PCDHA4: variants seen among roughly 807,000 people sequenced by gnomAD.
PCDHA4 encodes the protein protocadherin alpha-4.
Under a neutral mutation model 61.4 loss-of-function variants are expected in PCDHA4, and 49 were observed. The ratio of observed to expected loss-of-function variants is 0.80; its 90% CI spans 0.63 to 1.01. The LOEUF (loss-of-function observed/expected upper bound fraction) is 1.01, where lower values mean the gene tolerates loss of function less well. Among genes scored for constraint, PCDHA4 ranks in the 50% least tolerant of loss-of-function variants. The pLI is 0.00. For missense variants in PCDHA4, 1,254 were observed against 1,235.8 expected (o/e 1.01, Z -0.22); for synonymous variants, 590 against 550.3 (o/e 1.07, Z -1.01).
chr5:140,815,981 G>A (rs150888625), intron 1 of PCDHA4: 1 of 152,124 alleles, frequency 6.6e-6, no homozygotes, highest in Non-Finnish European at 1.5e-5. Flanking sequence ...ACGTGATGAG[G>A]CATTTTTCTT....
chr5:140,829,798 G>A, intron 1 of PCDHA4: 1 of 1,613,874 alleles, frequency 6.2e-7, no homozygotes, highest in Non-Finnish European at 8.5e-7. Flanking sequence ...TGGCGCCTCG[G>A]GTGGGTGGTA....
chr5:140,870,780 C>T (rs782242319), intron 1 of PCDHA4: 3 of 1,613,508 alleles, frequency 1.9e-6, no homozygotes, highest in Non-Finnish European at 2.5e-6. Context: ...ACGAGAACGA[C>T]AACGCGCCGG....
chr5:140,891,225 T>C (rs1554184733), intron 1 of PCDHA4, among the ~76,000 whole-genome samples: 1 of 152,222 alleles, frequency 6.6e-6, no homozygotes, highest in Non-Finnish European at 1.5e-5. Context: ...TTTATAATCA[T>C]CCTGTTCTGG....
At chr5:140,836,457 G>C (rs2150261358) in intron 1 of PCDHA4, 2 of 1,613,694 alleles carry the variant, frequency 1.2e-6, no homozygotes, top group Non-Finnish European at 1.7e-6. Context: ...CCCAGAGACC[G>C]AGCTGGTGGA....
In PCDHA4 at chr5:140,809,088, C is replaced by T. The variant is rs1202399974; in HGVS notation, c.1901C>T (p.Thr634Met). ...VGLYTGEISTTRALDETDAPR... is the reference protein window; with the variant it reads ...VGLYTGEISTMRALDETDAPR... ...CTGTACACTGGCGAGATCAGCACAA[C>T]GCGTGCCCTGGACGAAACGGACGCT... Residue 634 changes from threonine (T) to methionine (M), a missense_variant, in exon 1 of 4, where the codon ACG (threonine) becomes ATG (methionine). Thr to Met is a moderately conservative substitution (Grantham distance 81, BLOSUM62 -1). Coordinates refer to ENST00000530339, the MANE Select transcript of PCDHA4 (RefSeq NM_018907.4). The T allele has an allele frequency of 4.3e-6, 7 of 1,613,836 alleles. No homozygotes were observed. In the Admixed American group the frequency reaches 5.0e-5, roughly 12 times the overall value.
intron 3 of PCDHA4, among the ~76,000 whole-genome samples, chr5:141,000,931 T>G (rs1422337935): frequency 1.3e-5 from 2 of 152,188 alleles, no homozygotes; most frequent in African/African-American, 4.8e-5. Flanking sequence ...CCTGTGTGAT[T>G]TAGGACAAAT....
At chr5:140,889,677 A>C (rs2062337974) in intron 1 of PCDHA4, among the ~76,000 whole-genome samples, 1 of 152,018 alleles carries the variant, frequency 6.6e-6, no homozygotes, top group Non-Finnish European at 1.5e-5. Flanking sequence ...TTTTATTTTA[A>C]ACCTTTTAGT....
At chr5:140,857,386 C>A in intron 1 of PCDHA4, 2 of 1,598,422 alleles carry the variant, frequency 1.3e-6, no homozygotes, top group Non-Finnish European at 1.7e-6. Flanking sequence ...AGGTGGCCGA[C>A]GTGAACGACA....
rs2150351099 is a variant in PCDHA4 at position 140,843,050 on chromosome 5, G to C, written c.2385+33478G>C. ...TCGGGTGGGTGGCACTGGTGGCGCA[G>C]CGAGCAAGCTGGTGCCGCGGTCTGT... On this transcript the variant is annotated intron_variant, in intron 1 of 3. Coordinates refer to ENST00000530339, the MANE Select transcript of PCDHA4 (RefSeq NM_018907.4). 4 of 1,595,142 alleles carry C rather than the reference G, an allele frequency of 2.5e-6. 1 individual carries two copies. The highest frequency in any genetic ancestry group is 3.4e-6 in the Non-Finnish European group (4 of 1,165,280).
In PCDHA4 at chr5:140,823,574, C is replaced by T. The variant is rs2150127035; in HGVS notation, c.2385+14002C>T. The T allele has an allele frequency of 1.3e-5, 21 of 1,613,944 alleles. 1 individual carries two copies. Among genetic ancestry groups the T allele is most frequent in the South Asian group, 1.2e-4 (11 of 91,078 alleles). On this transcript the variant is annotated intron_variant, in intron 1 of 3. Transcript: ENST00000530339. The stretch of plus-strand genomic sequence containing the variant: ...AAGGTGCGCGCAGTGGACCCTGATT[C>T]GGGCTACAACGCTTGGCTTTCGTAT...
intron 1 of PCDHA4, among the ~76,000 whole-genome samples, chr5:140,872,551 C>T (rs574173970): frequency 6.6e-6 from 1 of 152,178 alleles, no homozygotes; most frequent in East Asian, 1.9e-4. Flanking sequence ...CCCCTGAACC[C>T]AGGGGTTCAG....
At chr5:140,879,047 A>G (rs931436432) in intron 1 of PCDHA4, among the ~76,000 whole-genome samples, 1 of 152,238 alleles carries the variant, frequency 6.6e-6, no homozygotes, top group African/African-American at 2.4e-5. Flanking sequence ...AAAGATAGAC[A>G]ACATTTTACC....
rs2150249126 is a variant in PCDHA4, at chr5:140,835,958, C to G, written c.2385+26386C>G. 96 of 1,612,940 alleles carry G rather than the reference C, an allele frequency of 6.0e-5. 1 individual carries two copies. The highest frequency in any genetic ancestry group is 7.7e-5 in the Non-Finnish European group (91 of 1,179,702). On this transcript the variant is annotated intron_variant, in intron 1 of 3. Transcript: ENST00000530339. ...TGTACGCGCTGCAGCCGTTGGACCA[C>G]GAGGAGCTGGAGCTGTTGCAGTTCC...
At chr5:140,926,872 AC>A in intron 1 of PCDHA4, 1 of 1,525,488 alleles carries the variant, frequency 6.6e-7, no homozygotes, top group Non-Finnish European at 8.8e-7. Flanking sequence ...TGTTGGTGGA[AC>A]GTGGACGCCT....
At chr5:140,851,302 A>G (rs2042019677) in intron 1 of PCDHA4, 4 of 1,013,018 alleles carry the variant, frequency 3.9e-6, no homozygotes, top group Non-Finnish European at 3.7e-6. Context: ...AAAAATATAT[A>G]GCAATTGTTA....
Position 140,835,629 on chromosome 5 carries a change from G to GA in PCDHA4, c.2385+26058dup, listed in dbSNP as rs2150239945. The GA allele has an allele frequency of 2.5e-6, 4 of 1,613,910 alleles. No homozygotes were observed. The East Asian group carries it at 6.7e-5, about 27-fold the overall frequency. ...GGTGCTGGACAGCGCTCTGGACCGC[G>GA]AGAGTGTGTCCGCCTATGAGCTGGT... is the stretch of plus-strand genomic sequence containing the variant. On this transcript the variant is annotated intron_variant, in intron 1 of 3. Transcript: ENST00000530339.
At chr5:140,926,713 C>G (rs1018008271) in intron 1 of PCDHA4, 16 of 944,684 alleles carry the variant, frequency 1.7e-5, no homozygotes, top group Non-Finnish European at 2.3e-5. Flanking sequence ...CTGGCCAGCC[C>G]CGGCAATGCC....
chr5:140,927,440 C>G (rs782460713), intron 1 of PCDHA4: 2 of 1,614,168 alleles, frequency 1.2e-6, no homozygotes, highest in East Asian at 4.5e-5. Flanking sequence ...AGCGAATACC[C>G]GGAGTTGGTG....
intron 1 of PCDHA4, chr5:140,843,316 T>G (rs1778793829): frequency 1.9e-6 from 3 of 1,595,872 alleles, no homozygotes; most frequent in South Asian, 1.1e-5. Flanking sequence ...CGGCCACGGT[T>G]CTGGTGTCGC....
Sources: gnomAD v4.1 joint callset for allele counts (sites outside exome capture counted in the v4.1 genomes callset) on GRCh38, gnomAD v4.1.1 for gene constraint, MANE v1.5 for transcripts, NCBI Gene and HGNC (gene_info 2026-07-23, HGNC 2026-07-21) for gene names.